Variants in CCDC15 observed in about 807,000 individuals in gnomAD.
The protein encoded by CCDC15 is coiled-coil domain containing 15, also known as coiled-coil domain-containing protein 15.
Under a neutral mutation model 114.5 loss-of-function variants are expected in CCDC15, and 105 were observed. The observed-to-expected ratio is 0.92, with a 90% confidence interval of 0.78 to 1.08. CCDC15 has a LOEUF of 1.08. CCDC15 is among the 50% of genes least tolerant of loss of function. The pLI is 0.00. For missense variants in CCDC15, 1,105 were observed against 1,093.6 expected, an observed-to-expected ratio of 1.01 and a Z score of -0.15; for synonymous variants, 334 against 377.8, an observed-to-expected ratio of 0.88 and a Z score of 1.34.
intron 12 of CCDC15, 44 bp downstream of exon 12, chr11:125,004,003 A>G: frequency 1.0e-6 from 1 of 971,366 alleles, no homozygotes; most frequent in Non-Finnish European, 1.5e-6. Context: ...TTCTACTATG[A>G]TAGTATTAAT....
intron 11 of CCDC15, among the ~76,000 whole-genome samples, chr11:124,994,119 C>T (rs763989776): frequency 2.0e-5 from 3 of 152,198 alleles, no homozygotes; most frequent in Non-Finnish European, 4.4e-5. Flanking sequence ...CCCCTGCTCA[C>T]ACAATTTGGT....
intron 3 of CCDC15, 109 bp from the exon 4 acceptor site, chr11:124,959,706 C>A: frequency 1.5e-6 from 1 of 656,256 alleles, no homozygotes; most frequent in Non-Finnish European, 2.4e-6. Context: ...TAAAGCCTCT[C>A]CCCTGCCCCC....
intron 4 of CCDC15, among the ~76,000 whole-genome samples, chr11:124,963,236 G>C (rs1947706715): frequency 6.6e-6 from 1 of 152,172 alleles, no homozygotes; most frequent in South Asian, 2.1e-4. Context: ...CACAATGGTT[G>C]AACTAATTTA....
intron 13 of CCDC15, among the ~76,000 whole-genome samples, chr11:125,011,271 C>G (rs1391047796): frequency 6.9e-6 from 1 of 145,300 alleles, no homozygotes; most frequent in Non-Finnish European, 1.5e-5. Context: ...GAGTTTCACT[C>G]TTGTCGCCCA....
At chr11:124,969,426 G>A (rs1264325827) in intron 4 of CCDC15, among the ~76,000 whole-genome samples, 1 of 152,158 alleles carries the variant, frequency 6.6e-6, no homozygotes, top group African/African-American at 2.4e-5. Context: ...GCATTTTGGT[G>A]AGGAATTGAA....
In CCDC15 at chr11:124,987,430, G is replaced by A. The variant is rs768781619; in HGVS notation, c.1204G>A (p.Glu402Lys). 2.5e-6 allele frequency: 4 copies of A among 1,613,972 alleles called. No homozygotes were observed. ...GAAAGCCCAGAGTATTGAGCTAGAA[G>A]AAGGGAGTATTGTGTTGAAAACCCA... Reference protein sequence around the residue: ...MLKAQSIELEEGSIVLKTQDF... With the variant: ...MLKAQSIELEKGSIVLKTQDF... Residue 402 changes from glutamate (E) to lysine (K), a missense_variant, in exon 8 of 16, where the codon GAA becomes AAA. Transcript: ENST00000344762.
chr11:124,970,378 A>G (rs757020603), intron 4 of CCDC15, among the ~76,000 whole-genome samples: 111 of 152,356 alleles, frequency 7.3e-4, no homozygotes, highest in Non-Finnish European at 1.5e-3. Context: ...AACTCGCTGC[A>G]TTGCACTGGG....
At chr11:125,028,551 T>G (rs118142807) in intron 13 of CCDC15, among the ~76,000 whole-genome samples, 20 of 152,230 alleles carry the variant, frequency 1.3e-4, no homozygotes, top group Non-Finnish European at 2.8e-4. Flanking sequence ...TTGCCACTGT[T>G]GTGAAAGGGA....
Position 124,987,836 on chromosome 11 carries a change from A to G in CCDC15, c.1610A>G (p.Gln537Arg). The G allele has an allele frequency of 6.2e-7, 1 of 1,605,554 alleles. No individual in the cohort carries two copies. The highest frequency in any genetic ancestry group is 8.5e-7 in the Non-Finnish European group (1 of 1,173,672). ...GGCCAGGATTTTCTACCTAAAGACC[A>G]GGACTTTTTATCTAGAGACCAGCAT... ...YQGQDFLPKD[Q>R]DFLSRDQHVL... The change falls in exon 8 of 16, where the codon CAG becomes CGG. Residue 537 changes from glutamine to arginine, a missense_variant. Transcript: ENST00000344762.
At chr11:124,966,990 G>A (rs1947794893) in intron 4 of CCDC15, among the ~76,000 whole-genome samples, 1 of 152,220 alleles carries the variant, frequency 6.6e-6, no homozygotes, top group African/African-American at 2.4e-5. Context: ...GGCTTGTAGA[G>A]TTTCTGCCGA....
In CCDC15 at chr11:125,029,415, C is replaced by T. The variant is rs145098298; in HGVS notation, c.2412-9016C>T. ...ATAATACAACTATTCTTCATACAACCGGAAACGCACAAATCCCCAACCAAA... is the reference window on the plus strand; with the variant it reads ...ATAATACAACTATTCTTCATACAACTGGAAACGCACAAATCCCCAACCAAA... On this transcript the variant is annotated intron_variant, in intron 13 of 15. Transcript: ENST00000344762. Among the ~76,000 whole-genome samples the T allele has an allele frequency of 4.3e-3, 658 of 152,208 alleles. 7 individuals carry two copies. The highest frequency in any genetic ancestry group is 0.014 in the African/African-American group (582 of 41,528).
Position 124,983,223 on chromosome 11 carries a change from T to C in CCDC15, c.754-3519T>C, listed in dbSNP as rs190591700. Among the ~76,000 whole-genome samples, 17 of 152,312 alleles carry C rather than the reference T, an allele frequency of 1.1e-4. No homozygotes were observed. The East Asian group carries it at 2.3e-3, about 21-fold the overall frequency. The stretch of plus-strand genomic sequence containing the variant: ...TAATACTTAGATTCCTTGGACTGGG[T>C]TTTAACTTTCTCCTGAATGTCGATA... On this transcript the variant is annotated intron_variant, in intron 6 of 15. Transcript: ENST00000344762.
intron 13 of CCDC15, among the ~76,000 whole-genome samples, chr11:125,025,067 A>AATATATATGAATATATATATGAATAT (rs1365002248): frequency 1.7e-5 from 2 of 115,118 alleles, no homozygotes; most frequent in Admixed American, 8.6e-5. Flanking sequence ...TATATATATG[A>AATATATATGAATATATATATGAATAT]ATATATGAAT....
intron 13 of CCDC15, among the ~76,000 whole-genome samples, chr11:125,006,423 T>C (rs1363581104): frequency 6.6e-6 from 1 of 152,240 alleles, no homozygotes. Flanking sequence ...CTTTGTATAT[T>C]TTGAATAACA....
intron 6 of CCDC15, 150 bp downstream of exon 6, chr11:124,977,750 T>C (rs1343594992): frequency 1.3e-5 from 10 of 767,222 alleles, no homozygotes; most frequent in Non-Finnish European, 1.8e-5. Flanking sequence ...AATTCACCCA[T>C]TTAAAGTGTA....
Position 124,986,895 on chromosome 11 carries a change from C to T in CCDC15, c.900+7C>T. ...ACCTTTCAGCAGAGTTCAGGTAAAG[C>T]AATAAGAGAAATTAAATTAATTGTG... On this transcript the variant is annotated splice_region_variant and intron_variant, in intron 7 of 15. Transcript: ENST00000344762. 2 of 1,532,750 alleles carry T rather than the reference C, an allele frequency of 1.3e-6. No homozygotes were observed. Among genetic ancestry groups the T allele is most frequent in the Non-Finnish European group, 1.8e-6 (2 of 1,141,066 alleles). 94.9% of individuals were successfully genotyped at this position (1,532,750 alleles called of 1,614,324 possible).
intron 2 of CCDC15, among the ~76,000 whole-genome samples, chr11:124,956,948 C>G (rs1209558738): frequency 6.6e-6 from 1 of 152,140 alleles, no homozygotes; most frequent in Non-Finnish European, 1.5e-5. Context: ...AGGGGGCCAT[C>G]AGGATTCCTA....
At chr11:124,982,090 T>A (rs542270863) in intron 6 of CCDC15, among the ~76,000 whole-genome samples, 2 of 152,332 alleles carry the variant, frequency 1.3e-5, no homozygotes, top group South Asian at 4.1e-4. Flanking sequence ...GAGTCTGTTT[T>A]GTCTGAAACT....
At chr11:124,966,495 G>A (rs1947786811) in intron 4 of CCDC15, among the ~76,000 whole-genome samples, 1 of 151,624 alleles carries the variant, frequency 6.6e-6, no homozygotes, top group South Asian at 2.1e-4. Context: ...CATTTGCTTG[G>A]TAGATCTTCC....
Sources: gnomAD v4.1 joint callset for allele counts (sites outside exome capture counted in the v4.1 genomes callset) on GRCh38, gnomAD v4.1.1 for gene constraint, MANE v1.5 for transcripts, NCBI Gene and HGNC (gene_info 2026-07-23, HGNC 2026-07-21) for gene names.